The following SPECC1 variants were observed in gnomAD, a reference collection of about 807,000 sequenced individuals.
SPECC1 encodes cytospin-B.
Under a neutral mutation model 104.1 loss-of-function variants are expected in SPECC1, and 62 were observed. The observed-to-expected ratio is 0.60, with a 90% CI of 0.49 to 0.74. The LOEUF (loss-of-function observed/expected upper bound fraction) is 0.74, where lower values mean the gene tolerates loss of function less well. SPECC1 is among the 30% of genes least tolerant of loss of function. SPECC1 has a pLI of 0.00. For synonymous variants in SPECC1, 513 were observed against 501.6 expected, an observed-to-expected ratio of 1.02 and a Z score of -0.30; for missense variants, 1,306 against 1,310.5, an observed-to-expected ratio of 1.00 and a Z score of 0.05.
chr17:20,181,942 G>T (rs2034920677), intron 3 of SPECC1, among the ~76,000 whole-genome samples: 1 of 151,976 alleles, frequency 6.6e-6, no homozygotes, highest in Admixed American at 6.6e-5. Flanking sequence ...TCCTTCCCAA[G>T]TAGCCTGCTT....
At chr17:20,181,583 C>G (rs2034890662) in intron 3 of SPECC1, among the ~76,000 whole-genome samples, 1 of 152,010 alleles carries the variant, frequency 6.6e-6, no homozygotes, top group African/African-American at 2.4e-5. Context: ...TAGTATTTAA[C>G]ATTGTTTTGG....
chr17:20,250,905 TA>T (rs1178713640), intron 9 of SPECC1, among the ~76,000 whole-genome samples: 5 of 151,796 alleles, frequency 3.3e-5, no homozygotes, highest in African/African-American at 1.2e-4. Context: ...CCAACCAGAG[TA>T]ATTCACCACA....
At position 20,205,440 on chromosome 17, in the gene SPECC1, T is replaced by C. The variant is rs769440502; in HGVS notation, c.1391T>C (p.Ile464Thr). 1.9e-6 allele frequency: 3 copies of C among 1,614,062 alleles called. No homozygotes were observed. Among genetic ancestry groups the C allele is most frequent in the African/African-American group, 1.3e-5 (1 of 75,032 alleles). ...EEPTTQEGKI[I>T]ELEQKCTGIL... ...CCCACCACTCAGGAAGGAAAAATTA[T>C]TGAACTGGAGCAGAAGTGCACAGGT... The change falls in exon 4 of 15, where the codon ATT (isoleucine) becomes ACT (threonine). Residue 464 changes from isoleucine (I) to threonine (T), a missense_variant. This residue lies in a region of SPECC1 where 1,177 missense variants were observed against 1,139.9 expected (regional missense o/e 1.03). Transcript: ENST00000395527.
intron 12 of SPECC1, among the ~76,000 whole-genome samples, chr17:20,274,394 G>A (rs1175309116): frequency 6.6e-6 from 1 of 152,178 alleles, no homozygotes; most frequent in Admixed American, 6.5e-5. Flanking sequence ...TGTGGCATGC[G>A]TTGTTTTGAT....
At chr17:20,191,198 G>A (rs1311640088) in intron 3 of SPECC1, among the ~76,000 whole-genome samples, 1 of 152,172 alleles carries the variant, frequency 6.6e-6, no homozygotes, top group Non-Finnish European at 1.5e-5. Flanking sequence ...TCCATGTGCA[G>A]GTTTTTGTGT....
At chr17:20,195,618 C>T (rs550904532) in intron 3 of SPECC1, among the ~76,000 whole-genome samples, 43 of 150,792 alleles carry the variant, frequency 2.9e-4, no homozygotes, top group East Asian at 1.4e-3. Context: ...AGTGTAGTGA[C>T]GCTATCTTGG....
intron 1 of SPECC1, among the ~76,000 whole-genome samples, chr17:20,055,866 A>G (rs1250673095): frequency 6.6e-6 from 1 of 152,122 alleles, no homozygotes; most frequent in Non-Finnish European, 1.5e-5. Flanking sequence ...CCAGGCTTGC[A>G]GGCTTGTGCT....
intron 4 of SPECC1, among the ~76,000 whole-genome samples, chr17:20,216,243 T>C (rs549253843): frequency 4.3e-4 from 66 of 152,076 alleles, no homozygotes; most frequent in African/African-American, 1.4e-3. Context: ...GCTCTTAATA[T>C]CTGCAGTCGG....
intron 3 of SPECC1, among the ~76,000 whole-genome samples, chr17:20,133,488 C>G (rs1033812178): frequency 2.6e-5 from 4 of 152,092 alleles, no homozygotes; most frequent in African/African-American, 9.6e-5. Context: ...TGTACCTTGC[C>G]CAGTGTTTCA....
intron 7 of SPECC1, chr17:20,238,827 T>G (rs1447514460): frequency 4.5e-5 from 47 of 1,045,108 alleles, no homozygotes; most frequent in Non-Finnish European, 5.4e-5. Flanking sequence ...TGTCGTTAGG[T>G]ACTGTTGAAT....
At chr17:20,035,407 ACCT>A (rs1335051391) in intron 1 of SPECC1, among the ~76,000 whole-genome samples, 55 of 152,110 alleles carry the variant, frequency 3.6e-4, no homozygotes, top group Non-Finnish European at 6.8e-4. Flanking sequence ...AAGTTTTCCA[ACCT>A]ATAAGCATGG....
At chr17:20,168,479 C>T (rs527529917) in intron 3 of SPECC1, among the ~76,000 whole-genome samples, 1 of 152,226 alleles carries the variant, frequency 6.6e-6, no homozygotes, top group Non-Finnish European at 1.5e-5. Flanking sequence ...GCTCTAAAAG[C>T]AGCACATACC....
intron 4 of SPECC1, among the ~76,000 whole-genome samples, chr17:20,216,594 C>G (rs2037504239): frequency 1.3e-5 from 2 of 152,172 alleles, no homozygotes. Flanking sequence ...GCCTGCTTAT[C>G]CTCTGGGCCC....
At chr17:20,222,735 TTTTG>T (rs1376123347) in intron 4 of SPECC1, among the ~76,000 whole-genome samples, 2 of 152,218 alleles carry the variant, frequency 1.3e-5, no homozygotes, top group Non-Finnish European at 1.5e-5. Flanking sequence ...GATGATTTCT[TTTTG>T]TTTGTTAATG....
chr17:20,286,913 GC>G (rs1420966270), intron 12 of SPECC1, among the ~76,000 whole-genome samples: 1 of 152,178 alleles, frequency 6.6e-6, no homozygotes, highest in African/African-American at 2.4e-5. Context: ...CCACGAACTG[GC>G]CCCCAGGGCC....
intron 14 of SPECC1, among the ~76,000 whole-genome samples, chr17:20,313,200 A>C (rs1349909655): frequency 1.3e-5 from 2 of 152,238 alleles, no homozygotes; most frequent in African/African-American, 2.4e-5. Flanking sequence ...GTCAGTAAAA[A>C]CCAGCAAATT....
Position 20,313,969 on chromosome 17 carries a change from C to A in SPECC1, c.3118-7C>A, listed in dbSNP as rs768285049. ...TGTGATCTGTCCCCCATTCCCTTCCCCTGCAGGAACTCAGCGAGATGCTGT... is the reference window on the plus strand; with the variant it reads ...TGTGATCTGTCCCCCATTCCCTTCCACTGCAGGAACTCAGCGAGATGCTGT... On this transcript the variant is annotated splice_polypyrimidine_tract_variant and splice_region_variant and intron_variant, in intron 14 of 14. Coordinates refer to ENST00000395527, the MANE Select transcript of SPECC1 (RefSeq NM_001243439.2). 1.9e-6 allele frequency: 3 copies of A among 1,613,826 alleles called. No individual in the cohort carries two copies. The highest frequency in any genetic ancestry group is 1.7e-5 in the Admixed American group (1 of 60,002).
intron 3 of SPECC1, chr17:20,111,857 C>T (rs1342857657): frequency 2.4e-6 from 2 of 835,924 alleles, no homozygotes; most frequent in African/African-American, 3.3e-5. Context: ...GAACGGCAGC[C>T]CCAAGAAGGG....
intron 1 of SPECC1, among the ~76,000 whole-genome samples, chr17:20,043,904 G>GT (rs933270591): frequency 6.6e-5 from 10 of 152,174 alleles, no homozygotes; most frequent in African/African-American, 2.4e-4. Context: ...AGAGCTTCAT[G>GT]TGACAGTGAT....
Sources: gnomAD v4.1 joint callset for allele counts (sites outside exome capture counted in the v4.1 genomes callset) on GRCh38, gnomAD v4.1.1 for gene constraint, gnomAD v4.1.1 regional missense constraint, MANE v1.5 for transcripts, NCBI Gene and HGNC (gene_info 2026-07-23, HGNC 2026-07-21) for gene names.